Variants in TXLNB observed in about 807,000 individuals in gnomAD.
The protein encoded by TXLNB is taxilin beta, also known as beta-taxilin.
Under a neutral mutation model 57.4 loss-of-function variants are expected in TXLNB, and 37 were observed. The ratio of observed to expected loss-of-function variants is 0.64; its 90% CI spans 0.50 to 0.85. The LOEUF (loss-of-function observed/expected upper bound fraction) is 0.85, where lower values mean the gene tolerates loss of function less well. Among genes scored for constraint, TXLNB ranks in the 40% least tolerant of loss-of-function variants. The pLI, the probability that TXLNB is intolerant of heterozygous loss-of-function variation, is 0.00. For synonymous variants in TXLNB, 302 were observed against 309.6 expected (o/e 0.98, Z 0.26); for missense variants, 848 against 825.6 (o/e 1.03, Z -0.33).
Position 139,286,866 on chromosome 6 carries a change from A to G in TXLNB, c.424+1610T>C, listed in dbSNP as rs553451533. On this transcript the variant is annotated intron_variant, in intron 2 of 9. Coordinates refer to ENST00000358430, the MANE Select transcript of TXLNB (RefSeq NM_153235.4). ...CCAGATGGGACCGTCTAGTTACAGG[A>G]AAACAAGCTCAAGGCTCCCACTGAT... 3 of 175,250 alleles carry G rather than the reference A, an allele frequency of 1.7e-5. 1 individual carries two copies. Among genetic ancestry groups the G allele is most frequent in the African/African-American group, 4.8e-5 (2 of 42,030 alleles). The allele number at this position is 175,250 out of a possible 1,614,324, so 10.9% of individuals were successfully genotyped here.
chr6:139,268,473 C>G (rs1283225608), intron 4 of TXLNB, among the ~76,000 whole-genome samples: 1 of 152,056 alleles, frequency 6.6e-6, no homozygotes, highest in Non-Finnish European at 1.5e-5. Flanking sequence ...AAGATAAGAC[C>G]ATGTATGATC....
chr6:139,197,318 T>G, the TXLNB span, among the ~76,000 whole-genome samples: 1 of 151,578 alleles, frequency 6.6e-6, no homozygotes, highest in African/African-American at 2.4e-5. Context: ...TGTATCATAT[T>G]TGTTGTCTGT....
chr6:139,199,006 T>A, the TXLNB span, among the ~76,000 whole-genome samples: 1 of 151,782 alleles, frequency 6.6e-6, no homozygotes, highest in African/African-American at 2.4e-5. Context: ...GCCCAAAATG[T>A]CAATGTGCCA....
At chr6:139,216,409 G>C in the TXLNB span, among the ~76,000 whole-genome samples, 1 of 147,308 alleles carries the variant, frequency 6.8e-6, no homozygotes, top group East Asian at 2.0e-4. Context: ...CTCACTCATA[G>C]GTGGGAATTG....
At chr6:139,161,571 T>C in the TXLNB span, among the ~76,000 whole-genome samples, 1 of 152,248 alleles carries the variant, frequency 6.6e-6, no homozygotes, top group Non-Finnish European at 1.5e-5. Context: ...AAGTGCTCAG[T>C]ATTGGTTAAA....
At chr6:139,271,256 A>G (rs1303839763) in intron 3 of TXLNB, 1 of 152,406 alleles carries the variant, frequency 6.6e-6, no homozygotes, top group African/African-American at 2.4e-5. Flanking sequence ...TGCATGATTC[A>G]ACAGCATGAA....
chr6:139,160,671 T>G, the TXLNB span, among the ~76,000 whole-genome samples: 1 of 152,158 alleles, frequency 6.6e-6, no homozygotes, highest in Non-Finnish European at 1.5e-5. Context: ...GGCCTCAGCC[T>G]CCCAAGTGCT....
At chr6:139,223,676 C>T in the TXLNB span, among the ~76,000 whole-genome samples, 4 of 151,626 alleles carry the variant, frequency 2.6e-5, no homozygotes, top group Non-Finnish European at 5.9e-5. Context: ...ATTTATGCAG[C>T]CAAAAAACAC....
chr6:139,192,493 T>C, the TXLNB span, among the ~76,000 whole-genome samples: 2 of 152,326 alleles, frequency 1.3e-5, no homozygotes, highest in African/African-American at 4.8e-5. Flanking sequence ...ACATAGGTAC[T>C]TGTTTGATTT....
the TXLNB span, among the ~76,000 whole-genome samples, chr6:139,311,280 C>T: frequency 6.6e-6 from 1 of 152,148 alleles, no homozygotes; most frequent in South Asian, 2.1e-4. Flanking sequence ...GCAAGCAAGT[C>T]TGCTTGCTAA....
chr6:139,316,042 A>G, the TXLNB span, among the ~76,000 whole-genome samples: 4 of 152,224 alleles, frequency 2.6e-5, no homozygotes, highest in South Asian at 6.2e-4. Context: ...AATAATAAGT[A>G]AAAAATGACA....
the TXLNB span, among the ~76,000 whole-genome samples, chr6:139,189,598 C>T: frequency 1.5e-3 from 230 of 152,288 alleles, 3 homozygotes; most frequent in African/African-American, 5.2e-3. Flanking sequence ...GAGTTCTCAA[C>T]TTGTAGAGAT....
rs754131313 is a variant in TXLNB at position 139,247,838 on chromosome 6, C to T, written c.1149G>A (p.Thr383=). ...TCACTTTGTCCATTTCCTGTTTGAA[C>T]GTGGCAAACACCTCGTTGCTTTTAG... ...TLTKSNEVFA[T]FKQEMDKTTK... Residue 383 remains threonine (T), a synonymous_variant, in exon 8 of 10, where the codon ACG becomes ACA. Transcript: ENST00000358430. 1.9e-5 allele frequency: 31 copies of T among 1,604,294 alleles called. No individual in the cohort carries two copies. The East Asian group carries it at 5.2e-4, about 27-fold the overall frequency.
the TXLNB span, among the ~76,000 whole-genome samples, chr6:139,321,887 C>T: frequency 6.6e-6 from 1 of 152,048 alleles, no homozygotes; most frequent in Non-Finnish European, 1.5e-5. Flanking sequence ...CTGCCTCGGT[C>T]TCCCAAAGTG....
At chr6:139,219,369 C>T in the TXLNB span, among the ~76,000 whole-genome samples, 1 of 152,202 alleles carries the variant, frequency 6.6e-6, no homozygotes, top group African/African-American at 2.4e-5. Context: ...ACATCTCCAG[C>T]GGTTCAGTAG....
intron 8 of TXLNB, among the ~76,000 whole-genome samples, chr6:139,247,362 G>A (rs983872685): frequency 2.6e-5 from 4 of 151,570 alleles, no homozygotes; most frequent in Non-Finnish European, 4.4e-5. Flanking sequence ...GGCTGGTCTC[G>A]AACTCCTGAT....
At chr6:139,307,994 G>T in the TXLNB span, among the ~76,000 whole-genome samples, 1 of 59,870 alleles carries the variant, frequency 1.7e-5, no homozygotes, top group African/African-American at 6.0e-5. Context: ...TCTTCTGCAT[G>T]CGAGATTTCA....
chr6:139,315,524 T>C, the TXLNB span, among the ~76,000 whole-genome samples: 12 of 152,344 alleles, frequency 7.9e-5, no homozygotes, highest in African/African-American at 2.9e-4. Context: ...TCTGCAAACA[T>C]GTAATTATTT....
At chr6:139,209,144 C>A in the TXLNB span, among the ~76,000 whole-genome samples, 4 of 152,144 alleles carry the variant, frequency 2.6e-5, no homozygotes, top group African/African-American at 4.8e-5. Context: ...TATACACCAA[C>A]AATGACCAAG....
Sources: allele counts gnomAD v4.1 joint callset (sites outside exome capture counted in the v4.1 genomes callset), GRCh38; gene constraint gnomAD v4.1.1; transcripts MANE v1.5; gene names NCBI Gene and HGNC (gene_info 2026-07-23, HGNC 2026-07-21).